The following NFIB variants were observed in gnomAD, a reference collection of about 807,000 sequenced individuals.
NFIB encodes nuclear factor I B.
A neutral mutation model predicts 61.5 loss-of-function variants in NFIB; 11 were observed. The ratio of observed to expected loss-of-function variants is 0.18; its 90% CI spans 0.11 to 0.30. The LOEUF (loss-of-function observed/expected upper bound fraction) is 0.30, where lower values mean the gene tolerates loss of function less well. Ranked by LOEUF, NFIB falls within the 10% of genes least tolerant of loss-of-function variation. The pLI is 1.00. For synonymous variants in NFIB, 260 were observed against 216.5 expected (o/e 1.20, Z -1.76); for missense variants, 471 against 608.9 (o/e 0.77, Z 2.38).
intron 4 of NFIB, among the ~76,000 whole-genome samples, chr9:14,151,485 C>A (rs2042869469): frequency 6.6e-6 from 1 of 151,098 alleles, no homozygotes; most frequent in Admixed American, 6.6e-5. Context: ...ATGCGAAACA[C>A]ATAAATACCA....
chr9:14,531,641 T>G, the NFIB span, among the ~76,000 whole-genome samples: 1 of 151,486 alleles, frequency 6.6e-6, no homozygotes, highest in Non-Finnish European at 1.5e-5. Flanking sequence ...TCCATCTATT[T>G]CACAGCAGCC....
the NFIB span, among the ~76,000 whole-genome samples, chr9:14,488,397 A>T: frequency 3.9e-5 from 6 of 152,070 alleles, no homozygotes; most frequent in Non-Finnish European, 8.8e-5. Context: ...AAAGTTTGTT[A>T]AAAATGGAGG....
intron 2 of NFIB, among the ~76,000 whole-genome samples, chr9:14,285,658 A>G (rs10961461): frequency 0.29 from 43,733 of 152,010 alleles, 6,878 homozygotes; most frequent in Middle Eastern, 0.43. Flanking sequence ...AAAGGGCAGT[A>G]AAGTATCTAC....
intron 1 of NFIB, among the ~76,000 whole-genome samples, chr9:14,376,719 T>C (rs1015820482): frequency 1.3e-5 from 2 of 152,068 alleles, no homozygotes; most frequent in Non-Finnish European, 2.9e-5. Flanking sequence ...GGTTTCACCA[T>C]GTTGGCCAGG....
intron 2 of NFIB, among the ~76,000 whole-genome samples, chr9:14,289,640 T>C (rs2058962900): frequency 6.6e-6 from 1 of 151,804 alleles, no homozygotes; most frequent in South Asian, 2.1e-4. Flanking sequence ...TAAATACATA[T>C]GCACACTTTG....
intron 1 of NFIB, among the ~76,000 whole-genome samples, chr9:14,333,004 CA>C (rs2060840477): frequency 6.6e-6 from 1 of 152,094 alleles, no homozygotes; most frequent in African/African-American, 2.4e-5. Context: ...TACAGTCAAT[CA>C]GGGGTATTCA....
chr9:14,130,975 G>A (rs2040333642), intron 6 of NFIB, among the ~76,000 whole-genome samples: 1 of 152,120 alleles, frequency 6.6e-6, no homozygotes, highest in African/African-American at 2.4e-5. Context: ...AAAACCACGT[G>A]GTCCCTGTCT....
chr9:14,246,869 T>G (rs878905164), intron 2 of NFIB, among the ~76,000 whole-genome samples: 1 of 152,200 alleles, frequency 6.6e-6, no homozygotes, highest in Non-Finnish European at 1.5e-5. Flanking sequence ...AGACAGGGTC[T>G]TTATGGAAGT....
At chr9:14,159,317 A>G (rs991034401) in intron 3 of NFIB, among the ~76,000 whole-genome samples, 2 of 152,238 alleles carry the variant, frequency 1.3e-5, no homozygotes, top group Non-Finnish European at 2.9e-5. Flanking sequence ...GAGGTAGTTT[A>G]CCGAAACCAT....
intron 7 of NFIB, among the ~76,000 whole-genome samples, chr9:14,123,065 C>A (rs531591623): frequency 6.6e-6 from 1 of 151,802 alleles, no homozygotes; most frequent in South Asian, 2.1e-4. Context: ...ATCAGCCTGG[C>A]CAACATGGTG....
intron 2 of NFIB, among the ~76,000 whole-genome samples, chr9:14,217,849 A>C (rs1312746145): frequency 6.6e-6 from 1 of 152,128 alleles, no homozygotes; most frequent in Non-Finnish European, 1.5e-5. Context: ...ACATGAGAAC[A>C]CTTACAAAAA....
chr9:14,317,495 A>G (rs2060569288), upstream of NFIB: 1 of 150,266 alleles, frequency 6.7e-6, no homozygotes, highest in Non-Finnish European at 1.5e-5. Context: ...TTTGGTTTTG[A>G]TTTGTTTCCC....
At chr9:14,129,076 T>C (rs1362852061) in intron 6 of NFIB, among the ~76,000 whole-genome samples, 1 of 152,130 alleles carries the variant, frequency 6.6e-6, no homozygotes, top group Non-Finnish European at 1.5e-5. Flanking sequence ...TAGAGGATTA[T>C]ACAGACCAAC....
At chr9:14,411,549 G>A in the NFIB span, among the ~76,000 whole-genome samples, 1,145 of 152,260 alleles carry the variant, frequency 7.5e-3, 13 homozygotes, top group African/African-American at 0.026. Flanking sequence ...GAAAGAGATC[G>A]TGTCAGGAGA....
At chr9:14,479,886 C>A in the NFIB span, among the ~76,000 whole-genome samples, 1 of 151,642 alleles carries the variant, frequency 6.6e-6, no homozygotes, top group Non-Finnish European at 1.5e-5. Context: ...AAAAAGAGAT[C>A]TGAAATTAGA....
the NFIB span, among the ~76,000 whole-genome samples, chr9:14,420,492 G>GAAAGA: frequency 7.2e-6 from 1 of 137,978 alleles, no homozygotes; most frequent in Admixed American, 7.3e-5. Context: ...AGAAAGGCTG[G>GAAAGA]AAAGATAATC....
rs144692386 is a variant in NFIB at position 14,256,769 on chromosome 9, T to TG, written c.562+50219dup. On this transcript the variant is annotated intron_variant, in intron 2 of 10. Coordinates refer to ENST00000380953, the MANE Select transcript of NFIB (RefSeq NM_001190737.2). ...TGAGAGGGAGCTGAGCAGGGTGATC[T>TG]GCTCCAACAATGCACCAGTTCCAGA... Among the ~76,000 whole-genome samples the TG allele has an allele frequency of 4.8e-3, 725 of 152,288 alleles. 6 individuals carry two copies. The highest frequency in any genetic ancestry group is 0.017 in the African/African-American group (702 of 41,570).
chr9:14,135,786 T>G (rs986834411), intron 6 of NFIB, among the ~76,000 whole-genome samples: 1 of 152,206 alleles, frequency 6.6e-6, no homozygotes, highest in Non-Finnish European at 1.5e-5. Context: ...CCATTTTTTT[T>G]AAATTTATGA....
the NFIB span, among the ~76,000 whole-genome samples, chr9:14,409,833 T>C: frequency 2.0e-5 from 3 of 152,156 alleles, no homozygotes; most frequent in Admixed American, 6.5e-5. Context: ...AGAGAAGGTA[T>C]TATAAACAAT....
Sources: gnomAD v4.1 joint callset for allele counts (sites outside exome capture counted in the v4.1 genomes callset) on GRCh38, gnomAD v4.1.1 for gene constraint, MANE v1.5 for transcripts, NCBI Gene and HGNC (gene_info 2026-07-23, HGNC 2026-07-21) for gene names.